Variants in TBC1D19 observed in about 807,000 individuals in gnomAD.
TBC1D19 encodes the protein TBC1 domain family member 19, also known as TBC1 domain family, member 19.
Under a neutral mutation model 89.0 loss-of-function variants are expected in TBC1D19, and 60 were observed. The observed-to-expected ratio is 0.67, with a 90% confidence interval of 0.55 to 0.84. The LOEUF (loss-of-function observed/expected upper bound fraction) is 0.84. Among genes scored for constraint, TBC1D19 ranks in the 40% least tolerant of loss-of-function variants. TBC1D19 has a pLI of 0.00. For missense variants in TBC1D19, 500 were observed against 610.8 expected (o/e 0.82, Z 1.91); for synonymous variants, 189 against 199.7 (o/e 0.95, Z 0.45).
chr4:26,719,659 C>A (rs942167754), intron 14 of TBC1D19, among the ~76,000 whole-genome samples: 17 of 152,120 alleles, frequency 1.1e-4, no homozygotes, highest in Non-Finnish European at 2.9e-5. Flanking sequence ...GACCACCATA[C>A]AGCTAGTCAT....
chr4:26,832,178 C>T, the TBC1D19 span, among the ~76,000 whole-genome samples: 1 of 152,208 alleles, frequency 6.6e-6, no homozygotes, highest in Non-Finnish European at 1.5e-5. Flanking sequence ...ATTCTTTAAA[C>T]TATGATTTGT....
At position 26,739,900 on chromosome 4, in the gene TBC1D19, A is replaced by G; in HGVS notation, c.1154A>G (p.Lys385Arg). ...TGTTTTCTATACCATGAACCTTCCA[A>G]ATTGTATCAGATATTCCGTGAGATG... is the stretch of plus-strand genomic sequence containing the variant. ...PLCFLYHEPS[K>R]LYQIFREMYV... Residue 385 changes from lysine (K) to arginine (R), a missense_variant, in exon 17 of 21, where the codon AAA (lysine) becomes AGA (arginine). By Grantham distance (26) the Lys-to-Arg change is conservative. Around this residue, in one of 2 missense-constraint regions of TBC1D19, gnomAD observed 220 missense variants for 319.1 expected, o/e 0.69. Coordinates refer to ENST00000264866, the MANE Select transcript of TBC1D19 (RefSeq NM_018317.4). 1 of 1,596,108 alleles carries G rather than the reference A, an allele frequency of 6.3e-7. No homozygotes were observed. Among genetic ancestry groups the G allele is most frequent in the Non-Finnish European group, 8.5e-7 (1 of 1,172,300 alleles).
the TBC1D19 span, among the ~76,000 whole-genome samples, chr4:26,847,885 A>G: frequency 6.6e-6 from 1 of 152,230 alleles, no homozygotes; most frequent in Non-Finnish European, 1.5e-5. Context: ...CAGAGCAGTC[A>G]TTGACTAAGA....
At position 26,614,391 on chromosome 4, in the gene TBC1D19, C is replaced by T. The variant is rs975830939; in HGVS notation, c.173-17C>T. On this transcript the variant is annotated splice_polypyrimidine_tract_variant and intron_variant, in intron 2 of 20. Coordinates refer to ENST00000264866, the MANE Select transcript of TBC1D19 (RefSeq NM_018317.4). Reference sequence around the variant, plus strand: ...AACTAGTATGTTCATATATTTTATTCTTTTTTTAAAAAACAGGTTGGGAGA... The same window carrying T: ...AACTAGTATGTTCATATATTTTATTTTTTTTTTAAAAAACAGGTTGGGAGA... 2 of 1,551,904 alleles carry T rather than the reference C, an allele frequency of 1.3e-6. No homozygotes were observed. Among genetic ancestry groups the T allele is most frequent in the Non-Finnish European group, 1.8e-6 (2 of 1,141,104 alleles).
chr4:26,715,261 T>G (rs1344911076), intron 13 of TBC1D19, among the ~76,000 whole-genome samples: 2 of 152,064 alleles, frequency 1.3e-5, no homozygotes, highest in Non-Finnish European at 2.9e-5. Flanking sequence ...GTTAAAGGTG[T>G]TCCACTCGCT....
chr4:26,812,266 C>T, the TBC1D19 span, among the ~76,000 whole-genome samples: 2 of 152,176 alleles, frequency 1.3e-5, no homozygotes, highest in Non-Finnish European at 2.9e-5. This position sits in a 1 kb window ranked among gnomAD's most constrained non-coding sequence, Gnocchi z 4.2. Flanking sequence ...TAGATGGACC[C>T]TCCCCCAGCA....
intron 1 of TBC1D19, among the ~76,000 whole-genome samples, chr4:26,592,310 A>G (rs1321727304): frequency 6.6e-6 from 1 of 152,224 alleles, no homozygotes; most frequent in African/African-American, 2.4e-5. Flanking sequence ...AAAACTCTCA[A>G]TAAATTAGGT....
intron 16 of TBC1D19, among the ~76,000 whole-genome samples, chr4:26,737,811 C>T (rs1718133890): frequency 6.6e-6 from 1 of 152,002 alleles, no homozygotes; most frequent in Non-Finnish European, 1.5e-5. Context: ...TAATACTTAT[C>T]TCTTTTAAAC....
intron 5 of TBC1D19, 31 bp from the exon 6 acceptor site, chr4:26,638,740 A>G: frequency 6.4e-7 from 1 of 1,569,548 alleles, no homozygotes; most frequent in Non-Finnish European, 8.7e-7. Flanking sequence ...AAAAAATGAA[A>G]TGAAACCAGT....
At chr4:26,697,488 G>T (rs977155273) in intron 13 of TBC1D19, among the ~76,000 whole-genome samples, 3 of 152,134 alleles carry the variant, frequency 2.0e-5, no homozygotes, top group African/African-American at 7.2e-5. Context: ...TAGAAAAAGA[G>T]GGAATCCTCC....
chr4:26,666,503 C>A, intron 9 of TBC1D19, 98 bp downstream of exon 9: 1 of 976,610 alleles, frequency 1.0e-6, no homozygotes, highest in African/African-American at 1.6e-5. Context: ...TTTTTTATAT[C>A]TGAAAACTAA....
chr4:26,776,222 C>T, the TBC1D19 span, among the ~76,000 whole-genome samples: 1 of 152,088 alleles, frequency 6.6e-6, no homozygotes, highest in Admixed American at 6.5e-5. Context: ...TTTTCAGGTG[C>T]TCAGAGGTAA....
the TBC1D19 span, among the ~76,000 whole-genome samples, chr4:26,854,738 T>C: frequency 1.3e-5 from 2 of 151,618 alleles, no homozygotes; most frequent in Non-Finnish European, 2.9e-5. Flanking sequence ...TTTTTTTTTT[T>C]TTTTTTTTCC....
the TBC1D19 span, among the ~76,000 whole-genome samples, chr4:26,827,275 C>A: frequency 1.1e-4 from 16 of 152,210 alleles, no homozygotes; most frequent in Admixed American, 1.0e-3. Context: ...TCAGGAATCT[C>A]TCTTCTTCAT....
chr4:26,718,755 T>C (rs1449663221), intron 14 of TBC1D19, among the ~76,000 whole-genome samples: 1 of 152,128 alleles, frequency 6.6e-6, no homozygotes, highest in Non-Finnish European at 1.5e-5. Context: ...CCATTGCTTC[T>C]AAATTGAATT....
chr4:26,585,437 A>G (rs943689949), intron 1 of TBC1D19, among the ~76,000 whole-genome samples: 2 of 151,540 alleles, frequency 1.3e-5, no homozygotes, highest in Admixed American at 6.6e-5. Flanking sequence ...ATGTGCTTAT[A>G]TCTTTTTTGG....
chr4:26,670,049 T>C (rs2109101706), intron 9 of TBC1D19, among the ~76,000 whole-genome samples: 1 of 151,808 alleles, frequency 6.6e-6, no homozygotes, highest in South Asian at 2.1e-4. Context: ...TCTGAAAGTT[T>C]ACTGAACTTC....
At chr4:26,850,624 T>C in the TBC1D19 span, among the ~76,000 whole-genome samples, 1 of 148,594 alleles carries the variant, frequency 6.7e-6, no homozygotes, top group East Asian at 2.0e-4. Flanking sequence ...GAAGATGATG[T>C]AGGGAGATGT....
chr4:26,646,297 C>T (rs575383038), intron 7 of TBC1D19, among the ~76,000 whole-genome samples: 2 of 152,202 alleles, frequency 1.3e-5, no homozygotes, highest in African/African-American at 4.8e-5. Context: ...ATGGTGATCA[C>T]TAAAAAGTCA....
Sources: gnomAD v4.1 joint callset for allele counts (sites outside exome capture counted in the v4.1 genomes callset) on GRCh38, gnomAD v4.1.1 for gene constraint, gnomAD v4.1.1 regional missense constraint, Gnocchi (gnomAD v3.1) non-coding constraint, MANE v1.5 for transcripts, NCBI Gene and HGNC (gene_info 2026-07-23, HGNC 2026-07-21) for gene names.